PI15: variants seen among roughly 807,000 people sequenced by gnomAD.
PI15 encodes the protein peptidase inhibitor 15.
In PI15, 18 loss-of-function variants were observed where a neutral mutation model predicts 31.0. The observed-to-expected ratio is 0.58, with a 90% CI of 0.40 to 0.86. The LOEUF (loss-of-function observed/expected upper bound fraction) is 0.86. PI15 is among the 40% of genes least tolerant of loss of function. The probability of loss-of-function intolerance (pLI) is 0.00; values close to 1 mark genes in which losing one functional copy is unlikely to be tolerated. For missense variants in PI15, 282 were observed against 328.1 expected, an observed-to-expected ratio of 0.86 and a Z score of 1.09; for synonymous variants, 118 against 119.1, an observed-to-expected ratio of 0.99 and a Z score of 0.06.
Position 74,849,334 on chromosome 8 carries a change from C to T in PI15, c.*81C>T. Reference sequence around the variant, plus strand: ...ATATATATGGAGAGAGAATTTTGCACATATTATACATATTTTGTGCTAATC... The same window carrying T: ...ATATATATGGAGAGAGAATTTTGCATATATTATACATATTTTGTGCTAATC... On this transcript the variant is annotated 3_prime_UTR_variant, in exon 6 of 6. Transcript: ENST00000260113. 3.0e-6 allele frequency: 3 copies of T among 1,005,138 alleles called. No individual in the cohort carries two copies. Among genetic ancestry groups the T allele is most frequent in the Non-Finnish European group, 4.3e-6 (3 of 697,926 alleles). The allele number at this position is 1,005,138 out of a possible 1,614,324, so 62.3% of individuals were successfully genotyped here. A position where few individuals can be genotyped will look rare whatever the true frequency, so the allele number is the denominator to read the frequency against.
intron 2 of PI15, among the ~76,000 whole-genome samples, chr8:74,840,372 T>C (rs1810928725): frequency 6.6e-6 from 1 of 152,194 alleles, no homozygotes; most frequent in South Asian, 2.1e-4. Flanking sequence ...TCAACTTCTC[T>C]TCATATAGTT....
rs1811101518 is a variant in PI15 at position 74,851,344 on chromosome 8, A to T, written c.*2091A>T. ...ATTTTACTATATTCATTCTACAGGA[A>T]CAGCAATAAGTACTATTAAACAGAA... On this transcript the variant is annotated 3_prime_UTR_variant, in exon 6 of 6. Transcript: ENST00000260113. The T allele has an allele frequency of 6.6e-6, 1 of 152,102 alleles. No individual in the cohort carries two copies. The highest frequency in any genetic ancestry group is 1.5e-5 in the Non-Finnish European group (1 of 67,960). The allele number at this position is 152,102 out of a possible 1,614,324, so 9.4% of individuals were successfully genotyped here.
chr8:74,848,075 A>T (rs1448789037), intron 5 of PI15, among the ~76,000 whole-genome samples: 1 of 152,222 alleles, frequency 6.6e-6, no homozygotes, highest in African/African-American at 2.4e-5. Context: ...AACTCTGTTA[A>T]GTGGAGATTT....
At chr8:74,826,198 T>TAA in intron 2 of PI15, 2 of 301,040 alleles carry the variant, frequency 6.6e-6, no homozygotes, top group Non-Finnish European at 9.7e-6. Context: ...ACTTAGAAAG[T>TAA]AAAAAAAAAA....
Position 74,849,253 on chromosome 8 carries a change from A to C in PI15, c.777A>C (p.Ter259TyrextTer9), listed in dbSNP as rs1408974372. The change falls in exon 6 of 6, where the codon TAA becomes TAC. Residue 259 changes from the stop codon to tyrosine, a stop_lost. Transcript: ENST00000260113. ...VTSNYLYWFK[*>Y] Reference sequence around the variant, plus strand: ...CAAACTACCTGTACTGGTTTAAATAAGTTTACCTTTTCCTCCAGGAAATAT... The same window carrying C: ...CAAACTACCTGTACTGGTTTAAATACGTTTACCTTTTCCTCCAGGAAATAT... 1.2e-6 allele frequency: 2 copies of C among 1,609,038 alleles called. No individual in the cohort carries two copies. Among genetic ancestry groups the C allele is most frequent in the East Asian group, 2.2e-5 (1 of 44,676 alleles).
At chr8:74,849,095 A>G (rs1216442464) in intron 5 of PI15, 23 bp from the exon 6 acceptor site, 8 of 1,605,798 alleles carry the variant, frequency 5.0e-6, no homozygotes, top group East Asian at 2.2e-5. Flanking sequence ...CACTAATGCT[A>G]TCTTTTTTGT....
At chr8:74,841,114 T>C (rs1467885904) in intron 2 of PI15, among the ~76,000 whole-genome samples, 1 of 152,176 alleles carries the variant, frequency 6.6e-6, no homozygotes, top group East Asian at 1.9e-4. Context: ...TAATTTTTAT[T>C]ACTTATTTTT....
At chr8:74,825,756 A>G (rs1307144040) in intron 2 of PI15, among the ~76,000 whole-genome samples, 4 of 152,056 alleles carry the variant, frequency 2.6e-5, no homozygotes, top group Non-Finnish European at 4.4e-5. Flanking sequence ...GAATCTATGT[A>G]GACTTTCTTC....
At position 74,851,961 on chromosome 8, in the gene PI15, T is replaced by A. The variant is rs1469576225; in HGVS notation, c.*2708T>A. The A allele has an allele frequency of 6.6e-6, 1 of 152,460 alleles. No individual in the cohort carries two copies. The highest frequency in any genetic ancestry group is 2.4e-5 in the African/African-American group (1 of 41,452). The allele number at this position is 152,460 out of a possible 1,614,324, so 9.4% of individuals were successfully genotyped here. The stretch of plus-strand genomic sequence containing the variant: ...ATTTTTTAAAGTTAATAATATAAAG[T>A]GGCCATGTAAAATATTTTATTTTCC... On this transcript the variant is annotated 3_prime_UTR_variant, in exon 6 of 6. Transcript: ENST00000260113.
At chr8:74,844,979 C>A in intron 3 of PI15, 149 bp from the exon 4 acceptor site, 3 of 667,856 alleles carry the variant, frequency 4.5e-6, no homozygotes, top group South Asian at 3.6e-5. Flanking sequence ...GAGGACCCGA[C>A]TAGGTGGTGA....
intron 2 of PI15, among the ~76,000 whole-genome samples, chr8:74,829,700 A>G (rs934114735): frequency 6.6e-6 from 1 of 152,164 alleles, no homozygotes; most frequent in Non-Finnish European, 1.5e-5. Context: ...ATAATTCAGT[A>G]TAATACACTG....
chr8:74,834,439 C>A (rs2128764261), intron 2 of PI15, among the ~76,000 whole-genome samples: 1 of 152,274 alleles, frequency 6.6e-6, no homozygotes, highest in South Asian at 2.1e-4. Context: ...AGATCCTTGA[C>A]TCAGTGGATC....
intron 2 of PI15, among the ~76,000 whole-genome samples, chr8:74,837,640 C>G (rs1392889420): frequency 6.6e-6 from 1 of 151,592 alleles, no homozygotes; most frequent in East Asian, 1.9e-4. Flanking sequence ...TTTTCTCAAT[C>G]TAAGAAAAAG....
intron 2 of PI15, chr8:74,826,420 A>G (rs1368430948): frequency 8.1e-6 from 2 of 246,016 alleles, no homozygotes; most frequent in Admixed American, 6.5e-5. Context: ...TGGGATTTTT[A>G]TCATATTCTA....
chr8:74,847,710 G>C (rs1378782382), intron 5 of PI15, among the ~76,000 whole-genome samples: 1 of 152,060 alleles, frequency 6.6e-6, no homozygotes, highest in African/African-American at 2.4e-5. Flanking sequence ...TGTATAGCTA[G>C]ATATTTTGTA....
intron 3 of PI15, 133 bp from the exon 4 acceptor site, chr8:74,844,995 A>G (rs1811003473): frequency 5.4e-6 from 4 of 739,758 alleles, no homozygotes; most frequent in Non-Finnish European, 9.1e-6. Flanking sequence ...GGTGATGGTG[A>G]TTGTGAGGGG....
intron 5 of PI15, among the ~76,000 whole-genome samples, chr8:74,847,260 A>G (rs531428560): frequency 5.8e-4 from 89 of 152,202 alleles, no homozygotes; most frequent in African/African-American, 1.9e-3. Flanking sequence ...AGCCTGACCA[A>G]CATGGCAAAA....
At chr8:74,825,177 C>A in intron 1 of PI15, 33 bp from the exon 2 acceptor site, 1 of 1,331,010 alleles carries the variant, frequency 7.5e-7, no homozygotes, top group African/African-American at 1.5e-5. Context: ...TATTTTTTTT[C>A]ATAGACCCTA....
rs1428460077 is a variant in PI15, at chr8:74,854,207, A to G, written c.*4954A>G. ...CATCCTAAACCTTCAGTTTAGATATATAATTGACTGGGTGTAATCTCTTTT... is the reference window on the plus strand; with the variant it reads ...CATCCTAAACCTTCAGTTTAGATATGTAATTGACTGGGTGTAATCTCTTTT... On this transcript the variant is annotated 3_prime_UTR_variant, in exon 6 of 6. Transcript: ENST00000260113. 6.6e-6 allele frequency: 1 copy of G among 152,088 alleles called. No individual in the cohort carries two copies. Among genetic ancestry groups the G allele is most frequent in the African/African-American group, 2.4e-5 (1 of 41,456 alleles). The allele number at this position is 152,088 out of a possible 1,614,324, so 9.4% of individuals were successfully genotyped here.
Sources: gnomAD v4.1 joint callset for allele counts (sites outside exome capture counted in the v4.1 genomes callset) on GRCh38, gnomAD v4.1.1 for gene constraint, MANE v1.5 for transcripts, NCBI Gene and HGNC (gene_info 2026-07-23, HGNC 2026-07-21) for gene names.